LBR: variants seen among roughly 807,000 people sequenced by gnomAD.
LBR encodes the protein lamin B receptor, also known as delta(14)-sterol reductase LBR.
A neutral mutation model predicts 74.3 loss-of-function variants in LBR; 28 were observed. The ratio of observed to expected loss-of-function variants is 0.38; its 90% CI spans 0.28 to 0.52. The LOEUF (loss-of-function observed/expected upper bound fraction) is 0.52. Among genes scored for constraint, LBR ranks in the 20% least tolerant of loss-of-function variants. LBR has a pLI of 0.89. For synonymous variants in LBR, 228 were observed against 269.3 expected (o/e 0.85, Z 1.50); for missense variants, 717 against 760.3 (o/e 0.94, Z 0.67).
chr1:225,415,333 C>A lies in LBR; in HGVS notation c.838-1G>T. ...CAATAAGAGGCGTTCCTTCTACAAC[C>A]TTAAAAGAAAAAAAATTTACAAATT... On this transcript the variant is annotated splice_acceptor_variant, in intron 6 of 13. Transcript: ENST00000272163. LOFTEE classifies it high-confidence loss of function. 6.3e-7 allele frequency: 1 copy of A among 1,575,698 alleles called. No homozygotes were observed. The highest frequency in any genetic ancestry group is 8.7e-7 in the Non-Finnish European group (1 of 1,149,080).
intron 2 of LBR, among the ~76,000 whole-genome samples, chr1:225,423,417 C>T (rs2096132148): frequency 6.6e-6 from 1 of 152,102 alleles, no homozygotes; most frequent in South Asian, 2.1e-4. Context: ...AAAAGCCCCC[C>T]CAGCCTGGCT....
intron 4 of LBR, 85 bp from the exon 5 acceptor site, chr1:225,419,537 C>G (rs2096123813): frequency 9.9e-7 from 1 of 1,008,422 alleles, no homozygotes. Flanking sequence ...CATCTCAATA[C>G]AGCTATACAC....
intron 13 of LBR, among the ~76,000 whole-genome samples, chr1:225,403,695 A>C (rs981354961): frequency 6.6e-6 from 1 of 152,134 alleles, no homozygotes; most frequent in Non-Finnish European, 1.5e-5. Flanking sequence ...AATCCATCAC[A>C]ATCAAAACAT....
At position 225,403,092 on chromosome 1, in the gene LBR, T is replaced by A. The variant is rs2096084329; in HGVS notation, c.*211A>T. On this transcript the variant is annotated 3_prime_UTR_variant, in exon 14 of 14. Transcript: ENST00000272163. The stretch of plus-strand genomic sequence containing the variant: ...AAAATGCAAATTCTCACATCCTTAC[T>A]TGTATTTTTCCTATGTTAACTGTAA... 1 of 561,132 alleles carries A rather than the reference T, an allele frequency of 1.8e-6. No individual in the cohort carries two copies. The highest frequency in any genetic ancestry group is 3.0e-5 in the East Asian group (1 of 33,306). 34.8% of individuals were successfully genotyped at this position (561,132 alleles called of 1,614,324 possible).
chr1:225,407,722 A>G (rs148171148), intron 10 of LBR, among the ~76,000 whole-genome samples: 2 of 152,318 alleles, frequency 1.3e-5, no homozygotes, highest in South Asian at 2.1e-4. Flanking sequence ...TTGGAGAATC[A>G]AAGTTCTAGG....
chr1:225,419,486 G>A (rs781161716), intron 4 of LBR, 34 bp from the exon 5 acceptor site: 3 of 1,441,746 alleles, frequency 2.1e-6, no homozygotes, highest in Non-Finnish European at 2.9e-6. Flanking sequence ...AATATCTGCA[G>A]TGAACAATTA....
chr1:225,415,015 T>C (rs942075346), intron 7 of LBR, among the ~76,000 whole-genome samples: 1 of 152,198 alleles, frequency 6.6e-6, no homozygotes, highest in African/African-American at 2.4e-5. Context: ...GATAAAATCC[T>C]AGACAAGTGC....
intron 10 of LBR, among the ~76,000 whole-genome samples, chr1:225,408,158 T>A (rs1014888639): frequency 6.6e-6 from 1 of 152,300 alleles, no homozygotes; most frequent in African/African-American, 2.4e-5. Flanking sequence ...TAATTTTGTA[T>A]CCTTTAACAA....
chr1:225,410,466 C>G, intron 9 of LBR, 50 bp from the exon 10 acceptor site: 1 of 1,597,954 alleles, frequency 6.3e-7, no homozygotes, highest in Non-Finnish European at 8.6e-7. Context: ...CCCCAGAGAC[C>G]TTAGCACTAC....
Position 225,419,756 on chromosome 1 carries a change from C to T in LBR, c.409G>A (p.Glu137Lys). The change falls in exon 4 of 14, where the codon GAG (glutamate) becomes AAG (lysine). Residue 137 changes from glutamate (E) to lysine (K), a missense_variant. Glu to Lys is a moderately conservative substitution (Grantham distance 56, BLOSUM62 1). Coordinates refer to ENST00000272163, the MANE Select transcript of LBR (RefSeq NM_002296.4). ...NSISRYNGEP[E>K]HIERNDAPHK... ...GGTGCGTCATTTCTCTCAATATGCTCAGGCTCCCCATTATATCTGCTGATG... is the reference window on the plus strand; with the variant it reads ...GGTGCGTCATTTCTCTCAATATGCTTAGGCTCCCCATTATATCTGCTGATG... 1 of 1,612,728 alleles carries T rather than the reference C, an allele frequency of 6.2e-7. No individual in the cohort carries two copies. The highest frequency in any genetic ancestry group is 1.1e-5 in the South Asian group (1 of 90,988).
chr1:225,421,801 G>A (rs1055615181), intron 3 of LBR, among the ~76,000 whole-genome samples: 2 of 152,082 alleles, frequency 1.3e-5, no homozygotes, highest in Admixed American at 6.6e-5. Context: ...AAAACCTTAC[G>A]CAGTTCAATC....
intron 3 of LBR, among the ~76,000 whole-genome samples, chr1:225,420,575 G>A (rs2096125946): frequency 1.3e-5 from 2 of 152,062 alleles, no homozygotes; most frequent in Admixed American, 1.3e-4. Flanking sequence ...AGCTTCTGTG[G>A]TTCTTGTGAC....
chr1:225,409,452 C>A (rs1342441389), intron 10 of LBR, among the ~76,000 whole-genome samples: 1 of 152,066 alleles, frequency 6.6e-6, no homozygotes, highest in Non-Finnish European at 1.5e-5. Flanking sequence ...TATTGATGAC[C>A]AAATAATATA....
At chr1:225,412,292 A>T (rs565642438) in intron 8 of LBR, among the ~76,000 whole-genome samples, 162 bp downstream of exon 8, 2 of 152,264 alleles carry the variant, frequency 1.3e-5, no homozygotes, top group South Asian at 4.1e-4. Context: ...CTTCCTTTAA[A>T]TTCATATCTC....
At chr1:225,406,949 T>C in intron 10 of LBR, 117 bp from the exon 11 acceptor site, 1 of 967,536 alleles carries the variant, frequency 1.0e-6, no homozygotes, top group Non-Finnish European at 1.6e-6. Flanking sequence ...CAATCAACAT[T>C]TTTTTGTTAA....
chr1:225,423,844 G>A, intron 2 of LBR, 67 bp downstream of exon 2: 1 of 1,466,842 alleles, frequency 6.8e-7, no homozygotes, highest in Non-Finnish European at 9.5e-7. Context: ...CCTGAGCTTA[G>A]AAACCATACT....
chr1:225,406,085 C>T (rs539081648), intron 11 of LBR, among the ~76,000 whole-genome samples: 60 of 152,322 alleles, frequency 3.9e-4, no homozygotes, highest in Non-Finnish European at 7.6e-4. Context: ...TTCCCCACCA[C>T]ACACCCTTGC....
chr1:225,412,565 G>T lies in LBR; in HGVS notation c.973C>A (p.His325Asn), dbSNP rs2096108123. 2 of 1,613,264 alleles carry T rather than the reference G, an allele frequency of 1.2e-6. No individual in the cohort carries two copies. Among genetic ancestry groups the T allele is most frequent in the Non-Finnish European group, 1.7e-6 (2 of 1,179,818 alleles). The part of the protein sequence containing the change: ...QGVEFHYVYS[H>N]FLQFALAATV... ...GCCGCAAGTGCAAACTGAAGAAAAT[G>T]ACTGTACACGTAATGAAACTCTACG... Residue 325 changes from histidine to asparagine, a missense_variant, in exon 8 of 14, where the codon CAT (histidine) becomes AAT (asparagine). Physicochemically the swap from His to Asn is moderately conservative, Grantham distance 68. Coordinates refer to ENST00000272163, the MANE Select transcript of LBR (RefSeq NM_002296.4).
chr1:225,424,773 G>A (rs1461935173), intron 1 of LBR, among the ~76,000 whole-genome samples: 1 of 152,084 alleles, frequency 6.6e-6, no homozygotes, highest in Non-Finnish European at 1.5e-5. Context: ...TCAAAACATG[G>A]CCCACAAGCC....
Sources: allele counts gnomAD v4.1 joint callset (sites outside exome capture counted in the v4.1 genomes callset), GRCh38; gene constraint gnomAD v4.1.1; transcripts MANE v1.5; gene names NCBI Gene and HGNC (gene_info 2026-07-23, HGNC 2026-07-21).